MYRIP: variants seen among roughly 807,000 people sequenced by gnomAD.
MYRIP encodes the protein rab effector MyRIP.
MYRIP carries 49 observed loss-of-function variants against 98.0 expected under a neutral mutation model. The observed-to-expected ratio is 0.50, with a 90% CI of 0.40 to 0.63. The LOEUF (loss-of-function observed/expected upper bound fraction) is 0.63, where lower values mean the gene tolerates loss of function less well. Among genes scored for constraint, MYRIP ranks in the 30% least tolerant of loss-of-function variants. MYRIP has a pLI of 0.00. For missense variants in MYRIP, 1,004 were observed against 1,058.2 expected, an observed-to-expected ratio of 0.95 and a Z score of 0.71; for synonymous variants, 404 against 409.5, an observed-to-expected ratio of 0.99 and a Z score of 0.16.
chr3:39,937,382 G>A (rs1944677776), intron 2 of MYRIP, among the ~76,000 whole-genome samples: 1 of 152,158 alleles, frequency 6.6e-6, no homozygotes, highest in Non-Finnish European at 1.5e-5. Flanking sequence ...TTAGCTGAAG[G>A]GATCAACAAA....
intron 2 of MYRIP, among the ~76,000 whole-genome samples, chr3:39,939,038 C>G (rs919073695): frequency 2.6e-5 from 4 of 152,138 alleles, no homozygotes; most frequent in African/African-American, 9.7e-5. Context: ...AGTCCTCTGT[C>G]CACCAGAGTG....
intron 2 of MYRIP, among the ~76,000 whole-genome samples, chr3:40,041,495 G>A (rs62261780): frequency 0.28 from 41,436 of 149,240 alleles, 6,455 homozygotes; most frequent in Non-Finnish European, 0.36. Flanking sequence ...CTAGTCATGC[G>A]GAACCATCAC....
At chr3:40,099,928 G>T (rs1948911571) in intron 3 of MYRIP, 1 of 909,450 alleles carries the variant, frequency 1.1e-6, no homozygotes, top group African/African-American at 1.8e-5. Flanking sequence ...TCTCCCTGTT[G>T]CACATGTGTT....
At chr3:39,911,193 C>G (rs1219668672) in intron 2 of MYRIP, among the ~76,000 whole-genome samples, 1 of 152,184 alleles carries the variant, frequency 6.6e-6, no homozygotes, top group Non-Finnish European at 1.5e-5. Flanking sequence ...ATTTATATCA[C>G]ATCTTTGGCG....
intron 11 of MYRIP, among the ~76,000 whole-genome samples, chr3:40,224,145 G>A (rs138063215): frequency 6.6e-6 from 1 of 152,264 alleles, no homozygotes; most frequent in Non-Finnish European, 1.5e-5. Flanking sequence ...AGAGCCAGGT[G>A]GGCCATGCAG....
intron 2 of MYRIP, among the ~76,000 whole-genome samples, chr3:39,912,166 T>C (rs376625527): frequency 2.0e-5 from 3 of 152,106 alleles, no homozygotes; most frequent in Non-Finnish European, 2.9e-5. Context: ...GCTTCTCCTC[T>C]ATCGGTGGGT....
intron 2 of MYRIP, among the ~76,000 whole-genome samples, chr3:39,953,309 G>A (rs1004136753): frequency 1.3e-5 from 2 of 152,134 alleles, no homozygotes; most frequent in African/African-American, 2.4e-5. Flanking sequence ...TGTGCCTTCG[G>A]TCTGTTTCCA....
At chr3:40,156,119 G>GT (rs1260738600) in intron 4 of MYRIP, among the ~76,000 whole-genome samples, 2 of 151,676 alleles carry the variant, frequency 1.3e-5, no homozygotes, top group Admixed American at 1.3e-4. Context: ...GGTTTTTATG[G>GT]TTTTAGGTCT....
intron 11 of MYRIP, among the ~76,000 whole-genome samples, chr3:40,231,094 G>A (rs925955666): frequency 6.6e-6 from 1 of 152,142 alleles, no homozygotes; most frequent in African/African-American, 2.4e-5. Flanking sequence ...CAAAGTGCTG[G>A]GATTACAGGC....
At chr3:39,851,072 G>A (rs1041973795) in intron 1 of MYRIP, among the ~76,000 whole-genome samples, 1 of 152,148 alleles carries the variant, frequency 6.6e-6, no homozygotes, top group African/African-American at 2.4e-5. Flanking sequence ...AAGATGACAG[G>A]GGGATATTCT....
intron 3 of MYRIP, among the ~76,000 whole-genome samples, chr3:40,088,693 C>T (rs1948679162): frequency 1.3e-5 from 2 of 152,200 alleles, no homozygotes; most frequent in African/African-American, 4.8e-5. Flanking sequence ...AACCAGAGCC[C>T]ATCTCTGTGG....
intron 2 of MYRIP, among the ~76,000 whole-genome samples, chr3:40,031,456 T>G (rs1178923962): frequency 1.3e-5 from 2 of 152,130 alleles, no homozygotes; most frequent in Non-Finnish European, 2.9e-5. Context: ...GAGGCTGCAA[T>G]GCTAATTTCT....
At chr3:40,113,467 A>G (rs1327034388) in intron 3 of MYRIP, among the ~76,000 whole-genome samples, 2 of 152,018 alleles carry the variant, frequency 1.3e-5, no homozygotes, top group Non-Finnish European at 2.9e-5. Context: ...TATTAAAAAG[A>G]CCTCAGTCCA....
intron 2 of MYRIP, among the ~76,000 whole-genome samples, chr3:39,921,154 G>A (rs905675642): frequency 2.0e-4 from 30 of 152,126 alleles, no homozygotes; most frequent in African/African-American, 7.0e-4. Flanking sequence ...AATAAATGAT[G>A]GAATTTTGGG....
chr3:39,944,758 A>G (rs1002428068), intron 2 of MYRIP, among the ~76,000 whole-genome samples: 3 of 152,314 alleles, frequency 2.0e-5, no homozygotes, highest in South Asian at 4.1e-4. Flanking sequence ...GAGTTCATCA[A>G]AAGTTTTTTT....
intron 3 of MYRIP, among the ~76,000 whole-genome samples, chr3:40,085,165 T>G (rs1280688961): frequency 6.8e-6 from 1 of 148,006 alleles, no homozygotes; most frequent in Non-Finnish European, 1.5e-5. Flanking sequence ...GTGTTATATA[T>G]CCACAGATAA....
At chr3:39,937,980 A>G (rs1944696129) in intron 2 of MYRIP, among the ~76,000 whole-genome samples, 2 of 152,206 alleles carry the variant, frequency 1.3e-5, no homozygotes, top group South Asian at 4.1e-4. Flanking sequence ...TAGGGATGAG[A>G]GTCCAGAGAA....
At chr3:40,045,354 G>C (rs140944440) in intron 3 of MYRIP, among the ~76,000 whole-genome samples, 1 of 152,112 alleles carries the variant, frequency 6.6e-6, no homozygotes, top group Non-Finnish European at 1.5e-5. Context: ...TAAGCACCCA[G>C]TATCCAAGGC....
At chr3:40,219,409 T>A (rs1442747217) in intron 11 of MYRIP, among the ~76,000 whole-genome samples, 1 of 152,238 alleles carries the variant, frequency 6.6e-6, no homozygotes, top group Non-Finnish European at 1.5e-5. Flanking sequence ...TATGTATACA[T>A]GTGCCAAGTT....
Sources: gnomAD v4.1 joint callset for allele counts (sites outside exome capture counted in the v4.1 genomes callset) on GRCh38, gnomAD v4.1.1 for gene constraint, MANE v1.5 for transcripts, NCBI Gene and HGNC (gene_info 2026-07-23, HGNC 2026-07-21) for gene names.